Variants in C4orf50 observed in about 807,000 individuals in gnomAD.
C4orf50 encodes the protein uncharacterized protein C4orf50.
Under a neutral mutation model 77.2 loss-of-function variants are expected in C4orf50, and 80 were observed. The ratio of observed to expected loss-of-function variants is 1.04; its 90% confidence interval spans 0.87 to 1.25. The LOEUF (loss-of-function observed/expected upper bound fraction) is 1.25, where lower values mean the gene tolerates loss of function less well. C4orf50 is among the 50% of genes most tolerant of loss of function. The pLI is 0.00. For synonymous variants in C4orf50, 532 were observed against 465.3 expected (o/e 1.14, Z -1.84); for missense variants, 1,257 against 1,152.9 (o/e 1.09, Z -1.31).
chr4:5,937,221 T>C (rs1718065049), intron 7 of C4orf50, among the ~76,000 whole-genome samples: 1 of 152,090 alleles, frequency 6.6e-6, no homozygotes, highest in East Asian at 1.9e-4. Flanking sequence ...AAAATAATAA[T>C]AGTGGCTCAT....
chr4:5,988,065 A>C (rs992097089), intron 28 of C4orf50, among the ~76,000 whole-genome samples: 2 of 152,050 alleles, frequency 1.3e-5, no homozygotes, highest in African/African-American at 4.8e-5. Flanking sequence ...GCCCTGCTGG[A>C]GTCTAAGAAG....
At chr4:5,957,098 A>G (rs1483152246), downstream of C4orf50, 1 of 152,232 alleles carries the variant, frequency 6.6e-6, no homozygotes, top group Non-Finnish European at 1.5e-5. Flanking sequence ...ATGGCCCGGG[A>G]GAATAAGTGG....
At chr4:5,967,323 C>A in intron 32 of C4orf50, 91 bp downstream of exon 10, 1 of 966,770 alleles carries the variant, frequency 1.0e-6, no homozygotes. Context: ...CGACAGTGGG[C>A]ATCTCCCCTC....
rs1722379304 is a variant in C4orf50, at chr4:6,009,080, G to C, written c.427-548C>G. 6.6e-6 allele frequency among the ~76,000 whole-genome samples: 1 copy of C among 152,214 alleles called. No homozygotes were observed. The highest frequency in any genetic ancestry group is 6.5e-5 in the Admixed American group (1 of 15,278). ...CCACCTGGAGGGAGGTACGTTACTAGCCTGAGAGACACTCAGGAGTGACTT... is the reference window on the plus strand; with the variant it reads ...CCACCTGGAGGGAGGTACGTTACTACCCTGAGAGACACTCAGGAGTGACTT... On this transcript the variant is annotated intron_variant, in intron 24 of 33. Coordinates refer to ENST00000531445, the Ensembl canonical transcript of C4orf50. The surrounding 1 kb of genome is among the most constrained non-coding windows in gnomAD (Gnocchi z 5.6).
chr4:5,960,673 C>T (rs981315147), intron 33 of C4orf50, among the ~76,000 whole-genome samples: 1 of 152,204 alleles, frequency 6.6e-6, no homozygotes, highest in African/African-American at 2.4e-5. Context: ...GAGACCCACA[C>T]AGGTGCTGAT....
intron 25 of C4orf50, among the ~76,000 whole-genome samples, chr4:6,002,195 G>A (rs1418176656): frequency 6.6e-6 from 1 of 152,192 alleles, no homozygotes; most frequent in Admixed American, 6.5e-5. Flanking sequence ...CACAGAAACA[G>A]ACACACAGAG....
chr4:5,983,540 C>T (rs1347306992), intron 28 of C4orf50, among the ~76,000 whole-genome samples: 2 of 152,190 alleles, frequency 1.3e-5, no homozygotes, highest in African/African-American at 4.8e-5. Context: ...CTCAGATTTC[C>T]ACACTCCTAC....
rs914152472 is a variant in C4orf50, at chr4:6,015,015, T to C, written c.288-3047A>G. On this transcript the variant is annotated intron_variant, in intron 23 of 33. Coordinates refer to ENST00000531445, the Ensembl canonical transcript of C4orf50. The surrounding 1 kb of genome is among the most constrained non-coding windows in gnomAD (Gnocchi z 4.4). ...TCCCTGCCTGTCTTCCTGGGGTCCA[T>C]TGATCTTCTGGTTTCCACCACCAAC... Among the ~76,000 whole-genome samples the C allele has an allele frequency of 1.3e-5, 2 of 152,310 alleles. No homozygotes were observed. The highest frequency in any genetic ancestry group is 1.9e-4 in the East Asian group (1 of 5,176).
intron 7 of C4orf50, among the ~76,000 whole-genome samples, chr4:5,944,496 C>A (rs939577158): frequency 6.6e-6 from 1 of 152,118 alleles, no homozygotes; most frequent in Non-Finnish European, 1.5e-5. Flanking sequence ...AGGGGGCAGC[C>A]CTCAGAGAGA....
intron 31 of C4orf50, among the ~76,000 whole-genome samples, chr4:5,969,029 C>T (rs117479457): frequency 1.4e-4 from 22 of 152,240 alleles, no homozygotes; most frequent in East Asian, 7.7e-4. Flanking sequence ...TGGCCAAGTC[C>T]GTTGAATTCT....
intron 24 of C4orf50, among the ~76,000 whole-genome samples, chr4:6,010,828 G>A (rs1021466283): frequency 6.6e-6 from 1 of 152,202 alleles, no homozygotes; most frequent in Non-Finnish European, 1.5e-5. Flanking sequence ...GAAAATTTTA[G>A]TAATGGCTAA....
chr4:5,994,436 G>A, exon 26 of C4orf50: 1 of 399,194 alleles, frequency 2.5e-6, no homozygotes, highest in Non-Finnish European at 4.4e-6. Flanking sequence ...CTCCTCCCTG[G>A]GCAGGGGCAG....
chr4:5,973,116 G>A (rs375173348), intron 31 of C4orf50, among the ~76,000 whole-genome samples: 48 of 152,314 alleles, frequency 3.2e-4, no homozygotes, highest in Admixed American at 4.6e-4. Flanking sequence ...TGGGCCCATC[G>A]GAGATGGGCC....
intron 25 of C4orf50, among the ~76,000 whole-genome samples, chr4:6,001,399 T>C (rs1721825046): frequency 6.6e-6 from 1 of 152,236 alleles, no homozygotes; most frequent in Non-Finnish European, 1.5e-5. Context: ...TTCCATGATA[T>C]TTTATGCTGA....
At position 5,970,220 on chromosome 4, in the gene C4orf50, G is replaced by A. The variant is rs187304293; in HGVS notation, c.4105-2758C>T. ...GAGGAAGCAAAACAGGCCCAGGAAG[G>A]TGCCCTGAGCCCTGCTCACTCAAGG... On this transcript the variant is annotated intron_variant, in intron 31 of 33. Transcript: ENST00000531445. The surrounding 1 kb of genome is among the most constrained non-coding windows in gnomAD (Gnocchi z 4.3). Among the ~76,000 whole-genome samples the A allele has an allele frequency of 6.6e-6, 1 of 151,786 alleles. No homozygotes were observed. The highest frequency in any genetic ancestry group is 1.5e-5 in the Non-Finnish European group (1 of 67,956).
intron 23 of C4orf50, among the ~76,000 whole-genome samples, chr4:6,014,005 G>GTGTT (rs1553921015): frequency 3.3e-4 from 32 of 97,398 alleles, no homozygotes; most frequent in East Asian, 1.0e-3. Flanking sequence ...TAAGTTGTGT[G>GTGTT]TTTTTTTTTT....
chr4:5,979,541 G>A lies in C4orf50; in HGVS notation c.3864+633C>T, dbSNP rs145812190. ...ATATTGGAAGTCAGAAAATGTTAAG[G>A]TTGAGGAGAAGGAAAGCTTTTATAT... On this transcript the variant is annotated intron_variant, in intron 29 of 33. Transcript: ENST00000531445. 4.1e-3 allele frequency among the ~76,000 whole-genome samples: 626 copies of A among 152,350 alleles called. 4 individuals carry two copies. The highest frequency in any genetic ancestry group is 0.014 in the African/African-American group (569 of 41,588).
chr4:5,963,005 T>C (rs557844703), intron 33 of C4orf50, among the ~76,000 whole-genome samples: 23 of 17,628 alleles, frequency 1.3e-3, no homozygotes, highest in East Asian at 1.9e-3. Context: ...CTTTTCTTTT[T>C]TTTTTTTTTT....
At chr4:5,915,683 C>G (rs769075422) in intron 7 of C4orf50, among the ~76,000 whole-genome samples, 1 of 152,164 alleles carries the variant, frequency 6.6e-6, no homozygotes, top group Non-Finnish European at 1.5e-5. Flanking sequence ...ACCAAGGTAC[C>G]AAACCAGCCC....
Sources: gnomAD v4.1 joint callset for allele counts (sites outside exome capture counted in the v4.1 genomes callset) on GRCh38, gnomAD v4.1.1 for gene constraint, Gnocchi (gnomAD v3.1) non-coding constraint, MANE v1.5 for transcripts, NCBI Gene and HGNC (gene_info 2026-07-23, HGNC 2026-07-21) for gene names.